The following NEO1 variants were observed in gnomAD, a reference collection of about 807,000 sequenced individuals.
The protein encoded by NEO1 is neogenin 1, also known as neogenin.
A neutral mutation model predicts 159.7 loss-of-function variants in NEO1; 63 were observed. The ratio of observed to expected loss-of-function variants is 0.39; its 90% CI spans 0.32 to 0.49. NEO1 has a LOEUF of 0.49. Ranked by LOEUF, NEO1 falls within the 20% of genes least tolerant of loss-of-function variation. The pLI, the probability that NEO1 is intolerant of heterozygous loss-of-function variation, is 0.85. For missense variants in NEO1, 1,615 were observed against 1,831.0 expected (o/e 0.88, Z 2.15); for synonymous variants, 633 against 662.0 (o/e 0.96, Z 0.67).
chr15:73,287,620 G>A (rs1035274700), intron 23 of NEO1, among the ~76,000 whole-genome samples: 7 of 152,166 alleles, frequency 4.6e-5, no homozygotes, highest in Non-Finnish European at 7.4e-5. Flanking sequence ...AGTGGCTCAC[G>A]CCTGTAATCC....
chr15:73,120,099 G>A (rs2071549925), intron 2 of NEO1, among the ~76,000 whole-genome samples: 1 of 151,950 alleles, frequency 6.6e-6, no homozygotes, highest in Non-Finnish European at 1.5e-5. Context: ...TTGTGCCACT[G>A]CACTCCAGCA....
chr15:73,152,669 C>T (rs981364441), intron 5 of NEO1, among the ~76,000 whole-genome samples: 1 of 152,064 alleles, frequency 6.6e-6, no homozygotes, highest in Non-Finnish European at 1.5e-5. Context: ...GGCTTGTAAC[C>T]GGTTGGGGGT....
At chr15:73,244,627 T>A in intron 9 of NEO1, 129 bp downstream of exon 9, 2 of 989,260 alleles carry the variant, frequency 2.0e-6, no homozygotes, top group Admixed American at 2.8e-5. Flanking sequence ...CCTTATCAAT[T>A]AGGGGAGGCA....
Position 73,190,297 on chromosome 15 carries a change from T to C in NEO1, c.1291+11870T>C, listed in dbSNP as rs1038134. The stretch of plus-strand genomic sequence containing the variant: ...AATGTGAAAACATAGAAATACACTT[T>C]CTTTTTCTGTCCTTTCATACCACGT... On this transcript the variant is annotated intron_variant, in intron 7 of 28. Transcript: ENST00000261908. 8.6e-3 allele frequency among the ~76,000 whole-genome samples: 1,308 copies of C among 152,318 alleles called. 23 individuals are homozygous for C. The highest frequency in any genetic ancestry group is 0.03 in the African/African-American group (1,237 of 41,572).
intron 1 of NEO1, among the ~76,000 whole-genome samples, chr15:73,107,496 A>G (rs2070752175): frequency 6.6e-6 from 1 of 152,198 alleles, no homozygotes; most frequent in African/African-American, 2.4e-5. Context: ...CTGTGATATA[A>G]CATTTGGTAC....
intron 8 of NEO1, among the ~76,000 whole-genome samples, chr15:73,237,151 T>TCTC (rs71442374): frequency 0.44 from 66,313 of 151,782 alleles, 15,527 homozygotes; most frequent in Admixed American, 0.53. Context: ...TTCAGTCACT[T>TCTC]CTTGCCCCTT....
intron 7 of NEO1, among the ~76,000 whole-genome samples, chr15:73,186,122 A>G (rs552221448): frequency 6.6e-6 from 1 of 152,096 alleles, no homozygotes; most frequent in Non-Finnish European, 1.5e-5. Context: ...AGAAAGACAC[A>G]TTACATACAG....
intron 5 of NEO1, among the ~76,000 whole-genome samples, chr15:73,175,691 G>A (rs776203646): frequency 1.3e-5 from 2 of 152,162 alleles, no homozygotes; most frequent in Non-Finnish European, 2.9e-5. Context: ...AAGACCCTTT[G>A]TCAAGGATGT....
At chr15:73,102,864 A>C (rs1175715458) in intron 1 of NEO1, among the ~76,000 whole-genome samples, 4 of 152,074 alleles carry the variant, frequency 2.6e-5, no homozygotes, top group Non-Finnish European at 4.4e-5. Context: ...CCACATAAGC[A>C]CCTTAAACTC....
intron 5 of NEO1, among the ~76,000 whole-genome samples, chr15:73,156,656 C>CACTTG (rs1215448289): frequency 5.9e-5 from 9 of 152,178 alleles, no homozygotes; most frequent in Admixed American, 3.9e-4. Context: ...CAGGTAATAG[C>CACTTG]CAGCTATATT....
chr15:73,164,850 A>G (rs1300062079), intron 5 of NEO1, among the ~76,000 whole-genome samples: 1 of 152,270 alleles, frequency 6.6e-6, no homozygotes, highest in Non-Finnish European at 1.5e-5. Flanking sequence ...ATATGTGGCT[A>G]CATGTATACT....
At chr15:73,056,521 A>G (rs1450099740) in intron 1 of NEO1, among the ~76,000 whole-genome samples, 1 of 152,218 alleles carries the variant, frequency 6.6e-6, no homozygotes, top group Non-Finnish European at 1.5e-5. Context: ...AGCATAGAGA[A>G]GATAACCAGT....
At chr15:73,263,665 C>G (rs1486545885) in intron 15 of NEO1, among the ~76,000 whole-genome samples, 2 of 151,990 alleles carry the variant, frequency 1.3e-5, no homozygotes, top group African/African-American at 4.8e-5. Flanking sequence ...TCATTCAGAT[C>G]GTTTCTTTGT....
rs748595716 is a variant in NEO1 at position 73,301,316 on chromosome 15, C to T, written c.4166-5C>T. The stretch of plus-strand genomic sequence containing the variant: ...CACATATCTGATGGTGCCCTTTCCC[C>T]TCAGCTCTGAACCATCACATTCACT... On this transcript the variant is annotated splice_region_variant and splice_polypyrimidine_tract_variant and intron_variant, in intron 27 of 28. Transcript: ENST00000261908. 1 of 1,614,156 alleles carries T rather than the reference C, an allele frequency of 6.2e-7. No homozygotes were observed. Among genetic ancestry groups the T allele is most frequent in the Non-Finnish European group, 8.5e-7 (1 of 1,180,024 alleles).
In NEO1 at chr15:73,267,739, T is replaced by C. The variant is rs190817714; in HGVS notation, c.2494+1328T>C. 1.8e-3 allele frequency among the ~76,000 whole-genome samples: 273 copies of C among 152,016 alleles called. 5 individuals are homozygous for C. The East Asian group carries it at 0.048, about 26-fold the overall frequency. ...GAACTCATCATTTTTTATGGCTGCA[T>C]AGCATTCCATGGTGTATATGTGCCA... On this transcript the variant is annotated intron_variant, in intron 16 of 28. Coordinates refer to ENST00000261908, the MANE Select transcript of NEO1 (RefSeq NM_002499.4).
chr15:73,167,810 TAAGACCC>T (rs2034679308), intron 5 of NEO1, among the ~76,000 whole-genome samples: 1 of 152,216 alleles, frequency 6.6e-6, no homozygotes, highest in African/African-American at 2.4e-5. Context: ...CTTTAGACCG[TAAGACCC>T]AAAGTTTGAG....
intron 4 of NEO1, among the ~76,000 whole-genome samples, chr15:73,126,786 T>C (rs1037405715): frequency 1.3e-5 from 2 of 152,232 alleles, no homozygotes; most frequent in African/African-American, 4.8e-5. Context: ...ATTATTCCCT[T>C]TGTTCCTGTT....
At chr15:73,120,644 T>C (rs528448830) in intron 2 of NEO1, among the ~76,000 whole-genome samples, 1 of 151,702 alleles carries the variant, frequency 6.6e-6, no homozygotes, top group South Asian at 2.1e-4. Context: ...TTTTTTTTTT[T>C]AACAATCCTG....
At chr15:73,229,251 CTGAG>C (rs1259015261) in intron 7 of NEO1, among the ~76,000 whole-genome samples, 4 of 151,640 alleles carry the variant, frequency 2.6e-5, no homozygotes, top group Non-Finnish European at 4.4e-5. Flanking sequence ...AGGTTTATTC[CTGAG>C]TATCTTAAAA....
Sources: allele counts gnomAD v4.1 joint callset (sites outside exome capture counted in the v4.1 genomes callset), GRCh38; gene constraint gnomAD v4.1.1; transcripts MANE v1.5; gene names NCBI Gene and HGNC (gene_info 2026-07-23, HGNC 2026-07-21).